Variants in PCM1 observed in about 807,000 individuals in gnomAD.
PCM1 encodes pericentriolar material 1 protein.
Under a neutral mutation model 241.9 loss-of-function variants are expected in PCM1, and 157 were observed. That is an observed-to-expected ratio of 0.65 (90% CI 0.57 to 0.74). The LOEUF (loss-of-function observed/expected upper bound fraction) is 0.74, where lower values mean the gene tolerates loss of function less well. Ranked by LOEUF, PCM1 falls within the 30% of genes least tolerant of loss-of-function variation. The probability of loss-of-function intolerance (pLI) is 0.00; values close to 1 mark genes in which losing one functional copy is unlikely to be tolerated. For missense variants in PCM1, 3,478 were observed against 2,360.1 expected, an observed-to-expected ratio of 1.47 and a Z score of -9.81; for synonymous variants, 1,085 against 784.9, an observed-to-expected ratio of 1.38 and a Z score of -6.39.
At chr8:17,931,332 A>C (rs997925194) in intron 2 of PCM1, among the ~76,000 whole-genome samples, 1 of 151,110 alleles carries the variant, frequency 6.6e-6, no homozygotes, top group Non-Finnish European at 1.5e-5. Context: ...GCTCTTGCCC[A>C]GGCTGGAGTG....
chr8:17,969,462 G>A (rs912179021), intron 21 of PCM1, 115 bp from the exon 22 acceptor site: 1 of 758,176 alleles, frequency 1.3e-6, no homozygotes, highest in South Asian at 1.9e-5. Flanking sequence ...TTAATTAACA[G>A]TTTTTTGTTT....
intron 10 of PCM1, chr8:17,955,903 A>G: frequency 4.0e-6 from 2 of 494,302 alleles, no homozygotes; most frequent in South Asian, 2.1e-5. Context: ...CAAAAATAAG[A>G]TTACAGTTAA....
chr8:17,947,176 T>C lies in PCM1; in HGVS notation c.784-10T>C. 1 of 1,556,964 alleles carries C rather than the reference T, an allele frequency of 6.4e-7. No homozygotes were observed. The highest frequency in any genetic ancestry group is 1.4e-5 in the African/African-American group (1 of 72,680). ...AGTCAGATACAAGTATTGTTGGTCT[T>C]ATTTTCCAGGCCAGAGATCCTCAGC... On this transcript the variant is annotated splice_polypyrimidine_tract_variant and intron_variant, in intron 6 of 38. Transcript: ENST00000325083.
At chr8:17,986,227 A>G in intron 26 of PCM1, 140 bp downstream of exon 26, 2 of 559,374 alleles carry the variant, frequency 3.6e-6, no homozygotes, top group Non-Finnish European at 5.8e-6. Flanking sequence ...ATAATGTGTT[A>G]TTTTATTTTG....
In PCM1 at chr8:17,938,817, C is replaced by G. The variant is rs1333055819; in HGVS notation, c.420C>G (p.Pro140=). ...GTCAGCTTAGTGAAAACCGAAAGCC[C>G]TTCAACTTTTTGCCTATGCAGATTA... is the stretch of plus-strand genomic sequence containing the variant. ...NKRQLSENRK[P]FNFLPMQINT... Residue 140 remains proline, a synonymous_variant, in exon 5 of 39, where the codon CCC becomes CCG. Coordinates refer to ENST00000325083, the MANE Select transcript of PCM1 (RefSeq NM_006197.4). 1.2e-6 allele frequency: 2 copies of G among 1,613,348 alleles called. No individual in the cohort carries two copies. Among genetic ancestry groups the G allele is most frequent in the African/African-American group, 2.7e-5 (2 of 74,920 alleles).
chr8:17,930,856 G>A (rs1359842466), intron 2 of PCM1, among the ~76,000 whole-genome samples: 1 of 151,592 alleles, frequency 6.6e-6, no homozygotes, highest in Non-Finnish European at 1.5e-5. Flanking sequence ...CTCCAGCCTG[G>A]GTGACAGAGC....
At chr8:17,955,950 G>C in intron 10 of PCM1, 1 of 388,988 alleles carries the variant, frequency 2.6e-6, no homozygotes, top group South Asian at 2.3e-5. Context: ...AGACCAGGCT[G>C]TAGAATCAGA....
In PCM1 at chr8:18,011,259, T is replaced by C; in HGVS notation, c.5243T>C (p.Val1748Ala). The stretch of plus-strand genomic sequence containing the variant: ...TAGGACAAGGATGAAACTGAAACAG[T>C]TAAGCAGACTCAAACATCTGAGGTG... ...EDKDKDETET[V>A]KQTQTSEVYD... is the part of the protein sequence containing the mutation. Residue 1748 changes from valine to alanine, a missense_variant, in exon 33 of 39, where the codon GTT (valine) becomes GCT (alanine). Val to Ala is a moderately conservative substitution (Grantham distance 64). Coordinates refer to ENST00000325083, the MANE Select transcript of PCM1 (RefSeq NM_006197.4). 2 of 1,605,946 alleles carry C rather than the reference T, an allele frequency of 1.2e-6. No homozygotes were observed. The highest frequency in any genetic ancestry group is 2.7e-5 in the African/African-American group (2 of 74,924).
intron 21 of PCM1, among the ~76,000 whole-genome samples, chr8:17,968,730 ATGTGTGTGTG>A (rs551909289): frequency 3.0e-5 from 4 of 134,672 alleles, no homozygotes; most frequent in East Asian, 4.1e-4. Flanking sequence ...GGATGTATAT[ATGTGTGTGTG>A]TGTGTGTGTG....
chr8:18,023,179 C>T (rs2093895662), intron 36 of PCM1, among the ~76,000 whole-genome samples: 1 of 152,016 alleles, frequency 6.6e-6, no homozygotes, highest in African/African-American at 2.4e-5. Flanking sequence ...AATGTTTTCA[C>T]CTATATGGTC....
intron 28 of PCM1, among the ~76,000 whole-genome samples, chr8:17,992,985 G>T (rs975762825): frequency 2.0e-5 from 3 of 148,972 alleles, no homozygotes; most frequent in Non-Finnish European, 4.5e-5. Context: ...GTAGATTCTG[G>T]GTATTAGTCC....
rs780065800 is a variant in PCM1, at chr8:17,955,554, C to G, written c.1373C>G (p.Ser458Cys). ...TTGGCACCGGTTGTCAATGGAGAAT[C>G]CAATAGCCTCACATCATCTGTTCCT... The part of the protein sequence containing the change: ...VGLAPVVNGE[S>C]NSLTSSVPYP... Residue 458 changes from serine to cysteine, a missense_variant, in exon 10 of 39, where the codon TCC (serine) becomes TGC (cysteine). By Grantham distance (112) the Ser-to-Cys change is moderately radical. Transcript: ENST00000325083. The G allele has an allele frequency of 1.2e-6, 2 of 1,613,574 alleles. No homozygotes were observed. The highest frequency in any genetic ancestry group is 2.2e-5 in the South Asian group (2 of 91,046).
chr8:17,987,265 T>C (rs1378212691), intron 26 of PCM1, among the ~76,000 whole-genome samples: 2 of 151,850 alleles, frequency 1.3e-5, no homozygotes, highest in Non-Finnish European at 3.0e-5. Flanking sequence ...CTTGAATACA[T>C]TAAAAATAGA....
chr8:18,026,717 A>G (rs776444567), intron 38 of PCM1, among the ~76,000 whole-genome samples: 1 of 151,798 alleles, frequency 6.6e-6, no homozygotes, highest in African/African-American at 2.4e-5. Flanking sequence ...CTCAGTGTTC[A>G]TATTATTTTT....
Position 17,967,074 on chromosome 8 carries a change from C to G in PCM1, c.3316C>G (p.Pro1106Ala). The change falls in exon 21 of 39, where the codon CCT becomes GCT. Residue 1106 changes from proline to alanine, a missense_variant. By Grantham distance (27) the Pro-to-Ala change is conservative. Coordinates refer to ENST00000325083, the MANE Select transcript of PCM1 (RefSeq NM_006197.4). Reference sequence around the variant, plus strand: ...AAGAGGCAGTAGTGCATCGCACCCTCCTTCTCCCAGTTTATTTTGTCCTTT... The same window carrying G: ...AAGAGGCAGTAGTGCATCGCACCCTGCTTCTCCCAGTTTATTTTGTCCTTT... ...KERGSSASHPPSPSLFCPFSF... is the reference protein window; with the variant it reads ...KERGSSASHPASPSLFCPFSF... 6.2e-7 allele frequency: 1 copy of G among 1,609,394 alleles called. No homozygotes were observed. Among genetic ancestry groups the G allele is most frequent in the Non-Finnish European group, 8.5e-7 (1 of 1,177,602 alleles).
At chr8:17,940,291 T>C (rs772003509) in intron 6 of PCM1, 6 of 559,198 alleles carry the variant, frequency 1.1e-5, no homozygotes, top group Non-Finnish European at 1.9e-5. Context: ...AAATTGTTAA[T>C]GCTGTATGTG....
At position 18,010,086 on chromosome 8, in the gene PCM1, C is replaced by A. The variant is rs548121939; in HGVS notation, c.5160+342C>A. ...GTGCCTGCCATGTCTGTTATTGATC[C>A]CTGTAGATTCTTCGAGAATATGCAT... is the stretch of plus-strand genomic sequence containing the variant. On this transcript the variant is annotated intron_variant, in intron 31 of 38. Transcript: ENST00000325083. Among the ~76,000 whole-genome samples the A allele has an allele frequency of 8.5e-5, 13 of 152,272 alleles. No individual in the cohort carries two copies. In the East Asian group the frequency reaches 1.9e-3, roughly 23 times the overall value.
rs764115042 is a variant in PCM1, at chr8:17,963,304, C to CA, written c.2654+14dup. On this transcript the variant is annotated intron_variant, in intron 17 of 38. Transcript: ENST00000325083. Reference sequence around the variant, plus strand: ...GTAGAACAGAAAAGTAAGAGAGCTGCATAAATCACTTTTCTAAAAATGTCA... The same window carrying CA: ...GTAGAACAGAAAAGTAAGAGAGCTGCAATAAATCACTTTTCTAAAAATGTCA... The CA allele has an allele frequency of 1.3e-6, 2 of 1,558,770 alleles. No homozygotes were observed. The highest frequency in any genetic ancestry group is 1.7e-6 in the Non-Finnish European group (2 of 1,159,156).
chr8:17,943,877 C>T (rs1021563215), intron 6 of PCM1, among the ~76,000 whole-genome samples: 1 of 152,112 alleles, frequency 6.6e-6, no homozygotes, highest in South Asian at 2.1e-4. Flanking sequence ...GAGGGTCTTA[C>T]ATGCGATTCA....
Sources: gnomAD v4.1 joint callset for allele counts (sites outside exome capture counted in the v4.1 genomes callset) on GRCh38, gnomAD v4.1.1 for gene constraint, MANE v1.5 for transcripts, NCBI Gene and HGNC (gene_info 2026-07-23, HGNC 2026-07-21) for gene names.